WWOX: variants seen among roughly 807,000 people sequenced by gnomAD.
WWOX encodes WW domain containing oxidoreductase.
A neutral mutation model predicts 46.2 loss-of-function variants in WWOX; 69 were observed. The observed-to-expected ratio is 1.49, with a 90% CI of 1.23 to 1.82. The LOEUF is 1.82. Ranked by LOEUF, WWOX falls within the 40% of genes most tolerant of loss-of-function variation. The pLI is 0.00. For synonymous variants in WWOX, 359 were observed against 202.6 expected (o/e 1.77, Z -6.56); for missense variants, 919 against 542.6 (o/e 1.69, Z -6.89).
intron 4 of WWOX, among the ~76,000 whole-genome samples, chr16:78,153,568 T>G (rs1316090139): frequency 4.6e-5 from 7 of 152,096 alleles, no homozygotes; most frequent in African/African-American, 1.7e-4. Flanking sequence ...ACTTGTTGAT[T>G]GGTTCCTAAA....
rs114190598 is a variant in WWOX, at chr16:78,151,759, C to T, written c.410-12424C>T. ...CATGTGTTAAAAATGGAAGTAGCGTCGACATTATGAAATGCACAAGAAGTT... is the reference window on the plus strand; with the variant it reads ...CATGTGTTAAAAATGGAAGTAGCGTTGACATTATGAAATGCACAAGAAGTT... On this transcript the variant is annotated intron_variant, in intron 4 of 8. Transcript: ENST00000566780. Among the ~76,000 whole-genome samples the T allele has an allele frequency of 3.7e-3, 569 of 152,280 alleles. 7 individuals are homozygous for T. Among genetic ancestry groups the T allele is most frequent in the African/African-American group, 0.013 (520 of 41,532 alleles).
At chr16:78,187,718 C>G (rs1239773656) in intron 5 of WWOX, among the ~76,000 whole-genome samples, 1 of 152,214 alleles carries the variant, frequency 6.6e-6, no homozygotes, top group Admixed American at 6.5e-5. Flanking sequence ...GTTCCTTAAC[C>G]TGCCAAAGGG....
intron 8 of WWOX, among the ~76,000 whole-genome samples, chr16:78,889,267 A>G (rs1218065059): frequency 2.6e-5 from 4 of 152,042 alleles, no homozygotes; most frequent in East Asian, 3.9e-4. Flanking sequence ...TATATTGTTC[A>G]TATCTAATTA....
intron 8 of WWOX, among the ~76,000 whole-genome samples, chr16:78,788,145 C>A (rs184021689): frequency 6.6e-6 from 1 of 152,104 alleles, no homozygotes; most frequent in African/African-American, 2.4e-5. Context: ...GATTTTAAAT[C>A]TTGATGAAGT....
rs144880441 is a variant in WWOX, at chr16:79,015,954, T to C, written c.1057-195654T>C. ...TTAGTAGAGACAGGATTTCGCCATG[T>C]TGGCCAGGATGATCTTGATTTCTTG... On this transcript the variant is annotated intron_variant, in intron 8 of 8. Coordinates refer to ENST00000566780, the MANE Select transcript of WWOX (RefSeq NM_016373.4). Among the ~76,000 whole-genome samples, 1,375 of 152,304 alleles carry C rather than the reference T, an allele frequency of 9.0e-3. 26 individuals carry two copies. Among genetic ancestry groups the C allele is most frequent in the African/African-American group, 0.031 (1,292 of 41,560 alleles).
Position 79,173,692 on chromosome 16 carries a change from C to T in WWOX, c.1057-37916C>T, listed in dbSNP as rs1048036739. 2.0e-5 allele frequency among the ~76,000 whole-genome samples: 3 copies of T among 148,968 alleles called. No individual in the cohort carries two copies. In the East Asian group the frequency reaches 5.8e-4, roughly 29 times the overall value. Reference sequence around the variant, plus strand: ...CCTTAGAATCAACCTGAAGGTTCAACAGCAGGTGAATGATTCCATAAATCA... The same window carrying T: ...CCTTAGAATCAACCTGAAGGTTCAATAGCAGGTGAATGATTCCATAAATCA... On this transcript the variant is annotated intron_variant, in intron 8 of 8. Coordinates refer to ENST00000566780, the MANE Select transcript of WWOX (RefSeq NM_016373.4).
intron 5 of WWOX, among the ~76,000 whole-genome samples, chr16:78,312,298 T>C (rs977889648): frequency 2.0e-5 from 3 of 152,182 alleles, no homozygotes; most frequent in Non-Finnish European, 4.4e-5. Context: ...GGGGTAATTT[T>C]AGCTTCTTTC....
intron 1 of WWOX, among the ~76,000 whole-genome samples, chr16:78,100,746 C>A (rs770425046): frequency 2.6e-5 from 4 of 152,206 alleles, no homozygotes. Context: ...CACATAGCAC[C>A]GTGTCTAGTA....
chr16:78,610,596 C>T (rs923250503), intron 8 of WWOX, among the ~76,000 whole-genome samples: 1 of 152,074 alleles, frequency 6.6e-6, no homozygotes, highest in Non-Finnish European at 1.5e-5. Context: ...TGACTAGTCT[C>T]TCTGTGTGAG....
At chr16:78,602,678 T>C (rs543386157) in intron 8 of WWOX, among the ~76,000 whole-genome samples, 1 of 152,350 alleles carries the variant, frequency 6.6e-6, no homozygotes, top group Admixed American at 6.5e-5. Flanking sequence ...CTGATCATTG[T>C]CATGACAGGA....
rs374874809 is a variant in WWOX, at chr16:78,961,162, C to T, written c.1057-250446C>T. 3.9e-5 allele frequency among the ~76,000 whole-genome samples: 6 copies of T among 152,114 alleles called. No homozygotes were observed. In the South Asian group the frequency reaches 8.3e-4, roughly 21 times the overall value. On this transcript the variant is annotated intron_variant, in intron 8 of 8. Coordinates refer to ENST00000566780, the MANE Select transcript of WWOX (RefSeq NM_016373.4). ...TGGTTATGTTCCAGATCATAGTCTC[C>T]TAAAAGCCAGGGGTCCTTTATGCAG...
At chr16:78,619,238 C>T (rs1293802730) in intron 8 of WWOX, among the ~76,000 whole-genome samples, 1 of 103,436 alleles carries the variant, frequency 9.7e-6, no homozygotes, top group Non-Finnish European at 1.9e-5. Context: ...GGGGCCTGCC[C>T]TTGTAGTCCC....
At chr16:78,787,619 A>G (rs533511745) in intron 8 of WWOX, among the ~76,000 whole-genome samples, 14 of 152,248 alleles carry the variant, frequency 9.2e-5, no homozygotes, top group South Asian at 2.1e-4. Context: ...TGCTGCTATG[A>G]TCATACATGT....
intron 8 of WWOX, among the ~76,000 whole-genome samples, chr16:79,071,198 T>A (rs1436268060): frequency 3.9e-5 from 6 of 152,248 alleles, no homozygotes; most frequent in African/African-American, 1.4e-4. Flanking sequence ...TTAAGGGGCT[T>A]TGTTGTTCAG....
At chr16:78,556,307 G>T (rs1284075691) in intron 8 of WWOX, among the ~76,000 whole-genome samples, 1 of 151,852 alleles carries the variant, frequency 6.6e-6, no homozygotes, top group Non-Finnish European at 1.5e-5. Flanking sequence ...CATGGAGACA[G>T]TCGGCGATTG....
Position 78,994,934 on chromosome 16 carries a change from C to CT in WWOX, c.1057-216664dup, listed in dbSNP as rs796686042. On this transcript the variant is annotated intron_variant, in intron 8 of 8. Transcript: ENST00000566780. ...CTGGAAGGGCAAATGAGGTGCAAGCCTTTTTTTTTTCTTTCTTTTCTTCTT... is the reference window on the plus strand; with the variant it reads ...CTGGAAGGGCAAATGAGGTGCAAGCCTTTTTTTTTTTCTTTCTTTTCTTCTT... Among the ~76,000 whole-genome samples, 708 of 135,938 alleles carry CT rather than the reference C, an allele frequency of 5.2e-3. 6 individuals carry two copies. Among genetic ancestry groups the CT allele is most frequent in the African/African-American group, 0.014 (534 of 37,528 alleles). 89.2% of individuals were successfully genotyped at this position (135,938 alleles called of 152,430 possible).
chr16:78,106,054 G>A (rs940524038), intron 1 of WWOX, among the ~76,000 whole-genome samples: 3 of 152,054 alleles, frequency 2.0e-5, no homozygotes, highest in Non-Finnish European at 4.4e-5. Flanking sequence ...CTCCCGCCTC[G>A]GCCTCCCAAA....
chr16:78,799,308 C>G (rs2050824090), intron 8 of WWOX, among the ~76,000 whole-genome samples: 2 of 152,074 alleles, frequency 1.3e-5, no homozygotes, highest in African/African-American at 4.8e-5. Flanking sequence ...GAATGAAAAC[C>G]CCAGGGTAGA....
At chr16:78,189,403 G>A (rs1195813552) in intron 5 of WWOX, among the ~76,000 whole-genome samples, 5 of 152,166 alleles carry the variant, frequency 3.3e-5, no homozygotes, top group African/African-American at 9.7e-5. Context: ...TGTCTCCATC[G>A]CTGTCTTTAC....
Sources: allele counts gnomAD v4.1 joint callset (sites outside exome capture counted in the v4.1 genomes callset), GRCh38; gene constraint gnomAD v4.1.1; transcripts MANE v1.5; gene names NCBI Gene and HGNC (gene_info 2026-07-23, HGNC 2026-07-21).